SUCLG2: variants seen among roughly 807,000 people sequenced by gnomAD.
The protein encoded by SUCLG2 is succinate--CoA ligase [GDP-forming] subunit beta, mitochondrial.
A neutral mutation model predicts 47.9 loss-of-function variants in SUCLG2; 42 were observed. That is an observed-to-expected ratio of 0.88 (90% CI 0.69 to 1.14). SUCLG2 has a LOEUF of 1.14. Among genes scored for constraint, SUCLG2 ranks in the 50% most tolerant of loss-of-function variants. The probability of loss-of-function intolerance (pLI) is 0.00; values close to 1 mark genes in which losing one functional copy is unlikely to be tolerated. For missense variants in SUCLG2, 571 were observed against 525.9 expected, an observed-to-expected ratio of 1.09 and a Z score of -0.84; for synonymous variants, 195 against 197.3, an observed-to-expected ratio of 0.99 and a Z score of 0.10.
chr3:67,645,648 G>A (rs1465577902), intron 1 of SUCLG2, among the ~76,000 whole-genome samples: 1 of 151,800 alleles, frequency 6.6e-6, no homozygotes, highest in African/African-American at 2.4e-5. Context: ...CACTTTAAAA[G>A]AGCCCTGAAT....
intron 1 of SUCLG2, among the ~76,000 whole-genome samples, chr3:67,629,489 C>T (rs1419269952): frequency 1.3e-5 from 2 of 152,074 alleles, no homozygotes; most frequent in East Asian, 3.9e-4. Context: ...TGCAATAGAA[C>T]ATGATATGGG....
At chr3:67,366,019 C>T (rs533016559) in intron 10 of SUCLG2, among the ~76,000 whole-genome samples, 1 of 152,294 alleles carries the variant, frequency 6.6e-6, no homozygotes, top group South Asian at 2.1e-4. Context: ...TAATTATTCA[C>T]ATTTAAACCT....
intron 2 of SUCLG2, among the ~76,000 whole-genome samples, chr3:67,556,677 G>A (rs1707169248): frequency 6.6e-6 from 1 of 152,124 alleles, no homozygotes; most frequent in Non-Finnish European, 1.5e-5. Flanking sequence ...CATTGTCTCT[G>A]CTGCAGTTTT....
Position 67,449,324 on chromosome 3 carries a change from G to C in SUCLG2, c.1062+46474C>G, listed in dbSNP as rs948144861. ...CTGGGATCTTTGCTTTCATAGGCTT[G>C]TGAAGAAAATCTGAACATGCAGACA... On this transcript the variant is annotated intron_variant, in intron 9 of 10. Transcript: ENST00000307227. Among the ~76,000 whole-genome samples, 4 of 152,284 alleles carry C rather than the reference G, an allele frequency of 2.6e-5. No individual in the cohort carries two copies. The East Asian group carries it at 5.8e-4, about 22-fold the overall frequency.
At chr3:67,540,977 G>A (rs1706690037) in intron 2 of SUCLG2, among the ~76,000 whole-genome samples, 2 of 152,172 alleles carry the variant, frequency 1.3e-5, no homozygotes, top group Admixed American at 1.3e-4. Context: ...ACTGTTAGAA[G>A]AAAAACTAAC....
intron 7 of SUCLG2, among the ~76,000 whole-genome samples, chr3:67,500,208 G>T (rs1354559966): frequency 6.6e-6 from 1 of 152,054 alleles, no homozygotes; most frequent in Admixed American, 6.6e-5. Flanking sequence ...AATTATACTT[G>T]CTTCTTATGA....
intron 2 of SUCLG2, among the ~76,000 whole-genome samples, chr3:67,567,778 A>G (rs1414465563): frequency 1.3e-5 from 2 of 152,220 alleles, no homozygotes; most frequent in African/African-American, 4.8e-5. Flanking sequence ...TTTTATTAAA[A>G]GATTCATTTC....
intron 9 of SUCLG2, among the ~76,000 whole-genome samples, chr3:67,482,961 T>C (rs778090219): frequency 2.6e-4 from 39 of 152,116 alleles, no homozygotes; most frequent in Non-Finnish European, 4.1e-4. Flanking sequence ...CCAGAATACT[T>C]AGAGATAACA....
chr3:67,365,929 GGT>G (rs1168455120), intron 10 of SUCLG2, among the ~76,000 whole-genome samples: 1 of 152,104 alleles, frequency 6.6e-6, no homozygotes, highest in Non-Finnish European at 1.5e-5. Context: ...TCCCCTTAAA[GGT>G]GATTTTTCAA....
rs555657793 is a variant in SUCLG2, at chr3:67,470,606, T to A, written c.1062+25192A>T. 2.6e-5 allele frequency among the ~76,000 whole-genome samples: 4 copies of A among 152,282 alleles called. No homozygotes were observed. The South Asian group carries it at 8.3e-4, about 32-fold the overall frequency. ...AAAAAGATAAGTTCAGCCCCCATTT[T>A]CTCTCTGTCTCATACACTCTCTTGC... On this transcript the variant is annotated intron_variant, in intron 9 of 10. Coordinates refer to ENST00000307227, the MANE Select transcript of SUCLG2 (RefSeq NM_003848.4).
intron 9 of SUCLG2, among the ~76,000 whole-genome samples, chr3:67,424,463 CTACT>C (rs982304082): frequency 1.3e-5 from 2 of 152,168 alleles, no homozygotes; most frequent in Admixed American, 1.3e-4. Context: ...CTCTCTGTAG[CTACT>C]TACTGTCCAG....
chr3:67,622,412 G>A (rs1290169985), intron 1 of SUCLG2, among the ~76,000 whole-genome samples: 2 of 152,138 alleles, frequency 1.3e-5, no homozygotes, highest in Non-Finnish European at 2.9e-5. Context: ...GGGTCAGAAG[G>A]GATCATGGAT....
At chr3:67,416,765 A>G (rs1575681230) in intron 9 of SUCLG2, among the ~76,000 whole-genome samples, 1 of 152,212 alleles carries the variant, frequency 6.6e-6, no homozygotes, top group Non-Finnish European at 1.5e-5. Flanking sequence ...CAATTTCATA[A>G]TAAAATCTAC....
intron 9 of SUCLG2, among the ~76,000 whole-genome samples, chr3:67,434,988 T>G (rs999393521): frequency 6.6e-6 from 1 of 152,242 alleles, no homozygotes; most frequent in Non-Finnish European, 1.5e-5. Context: ...CTGTGAATAA[T>G]GTACTTGTGC....
chr3:67,427,482 T>A (rs1038904614), intron 9 of SUCLG2, among the ~76,000 whole-genome samples: 2 of 152,212 alleles, frequency 1.3e-5, no homozygotes, highest in Non-Finnish European at 2.9e-5. Context: ...GAAAAGTCAG[T>A]TCAACCTTAA....
At chr3:67,572,245 C>T (rs767523676) in intron 2 of SUCLG2, among the ~76,000 whole-genome samples, 19 of 152,174 alleles carry the variant, frequency 1.2e-4, no homozygotes, top group Non-Finnish European at 2.9e-5. Context: ...CCCCAAGAAA[C>T]AGGAGTAACT....
intron 10 of SUCLG2, among the ~76,000 whole-genome samples, chr3:67,389,261 GA>G (rs374911120): frequency 6.6e-6 from 1 of 152,114 alleles, no homozygotes; most frequent in African/African-American, 2.4e-5. Flanking sequence ...ATGGACTTGG[GA>G]AAGTCAGAAA....
chr3:67,649,408 A>T (rs1465128383), intron 1 of SUCLG2, among the ~76,000 whole-genome samples: 1 of 152,180 alleles, frequency 6.6e-6, no homozygotes, highest in East Asian at 1.9e-4. Flanking sequence ...TTCAGAAAAT[A>T]TTTGCTACAT....
At chr3:67,538,807 T>A (rs1706617984) in intron 2 of SUCLG2, among the ~76,000 whole-genome samples, 1 of 152,190 alleles carries the variant, frequency 6.6e-6, no homozygotes. Flanking sequence ...GGTATTTTAT[T>A]CCCTTTGTAG....
Sources: allele counts gnomAD v4.1 joint callset (sites outside exome capture counted in the v4.1 genomes callset), GRCh38; gene constraint gnomAD v4.1.1; transcripts MANE v1.5; gene names NCBI Gene and HGNC (gene_info 2026-07-23, HGNC 2026-07-21).